The following DYSF variants were observed in gnomAD, a reference collection of about 807,000 sequenced individuals.
DYSF encodes dysferlin, also known as dystrophy-associated fer-1-like 1.
A neutral mutation model predicts 274.9 loss-of-function variants in DYSF; 212 were observed. The ratio of observed to expected loss-of-function variants is 0.77; its 90% CI spans 0.69 to 0.86. The LOEUF is 0.86. Among genes scored for constraint, DYSF ranks in the 40% least tolerant of loss-of-function variants. The pLI is 0.00. For missense variants in DYSF, 2,666 were observed against 2,783.2 expected (o/e 0.96, Z 0.95); for synonymous variants, 1,091 against 1,078.7 (o/e 1.01, Z -0.22).
intron 4 of DYSF, among the ~76,000 whole-genome samples, chr2:71,509,026 T>G (rs1334045607): frequency 6.6e-6 from 1 of 150,546 alleles, no homozygotes; most frequent in Non-Finnish European, 1.5e-5. Flanking sequence ...CTATTTTTTT[T>G]GTATTTTTAT....
At chr2:71,597,129 C>T (rs1006836020) in intron 32 of DYSF, among the ~76,000 whole-genome samples, 2 of 152,224 alleles carry the variant, frequency 1.3e-5, no homozygotes, top group African/African-American at 4.8e-5. Context: ...CCTGTCTCCC[C>T]ATCCCAGCCC....
Position 71,686,711 on chromosome 2 carries a change from C to A in DYSF, c.*219C>A. 1.6e-6 allele frequency: 1 copy of A among 616,144 alleles called. No homozygotes were observed. Among genetic ancestry groups the A allele is most frequent in the East Asian group, 2.8e-5 (1 of 35,652 alleles). The allele number at this position is 616,144 out of a possible 1,614,324, so 38.2% of individuals were successfully genotyped here. ...ATCATTTCCTTCTCCCCCAACCCAACGCTTTTTTGGATCAGCTCAGACATA... is the reference window on the plus strand; with the variant it reads ...ATCATTTCCTTCTCCCCCAACCCAAAGCTTTTTTGGATCAGCTCAGACATA... On this transcript the variant is annotated 3_prime_UTR_variant, in exon 56 of 56. Transcript: ENST00000410020.
chr2:71,542,377 CT>C (rs35710396), intron 17 of DYSF, among the ~76,000 whole-genome samples: 3,995 of 141,966 alleles, frequency 0.028, 57 homozygotes, highest in African/African-American at 0.061. Flanking sequence ...GTCAAGCCTT[CT>C]TTTTTTTTTT....
At chr2:71,490,046 GCACTTACGT>G (rs1432421775) in intron 3 of DYSF, among the ~76,000 whole-genome samples, 1 of 152,182 alleles carries the variant, frequency 6.6e-6, no homozygotes, top group Non-Finnish European at 1.5e-5. Context: ...CCATATAGAT[GCACTTACGT>G]AAACCACACA....
chr2:71,646,188 A>G (rs1472931126), intron 42 of DYSF, among the ~76,000 whole-genome samples: 1 of 152,234 alleles, frequency 6.6e-6, no homozygotes. Flanking sequence ...TTGGGCAAAG[A>G]GACAGAACTA....
chr2:71,554,199 C>A (rs2091175651), intron 21 of DYSF, among the ~76,000 whole-genome samples: 1 of 152,204 alleles, frequency 6.6e-6, no homozygotes, highest in South Asian at 2.1e-4. Context: ...GAAGGAAAAC[C>A]TATGCCACGC....
At position 71,568,345 on chromosome 2, in the gene DYSF, C is replaced by T. The variant is rs770354145; in HGVS notation, c.2864+7C>T. ...TCGTGTGTCCGGAGAAGACGTGAGT[C>T]GTGGGCAGGGAGGGCTGGGGAGAGC... is the stretch of plus-strand genomic sequence containing the variant. On this transcript the variant is annotated splice_region_variant and intron_variant, in intron 26 of 55. Coordinates refer to ENST00000410020, the MANE Select transcript of DYSF (RefSeq NM_001130987.2). 1.2e-5 allele frequency: 19 copies of T among 1,613,590 alleles called. No homozygotes were observed. In the South Asian group the frequency reaches 1.2e-4, roughly 10 times the overall value.
chr2:71,609,253 T>C (rs2093703321), intron 36 of DYSF, among the ~76,000 whole-genome samples: 1 of 152,212 alleles, frequency 6.6e-6, no homozygotes, highest in East Asian at 1.9e-4. Context: ...AGCAGCCCTG[T>C]CCATCACCCC....
chr2:71,655,499 G>A (rs2094751469), intron 42 of DYSF, among the ~76,000 whole-genome samples: 1 of 152,180 alleles, frequency 6.6e-6, no homozygotes, highest in Admixed American at 6.5e-5. Flanking sequence ...ATAAAAAACA[G>A]CTTGCTGCTT....
chr2:71,591,828 C>T (rs1432033807), intron 32 of DYSF, among the ~76,000 whole-genome samples: 1 of 152,236 alleles, frequency 6.6e-6, no homozygotes, highest in Non-Finnish European at 1.5e-5. Context: ...CTGTGGCCCT[C>T]AGTGGCCCAT....
chr2:71,573,095 C>G (rs983601362), intron 29 of DYSF, among the ~76,000 whole-genome samples: 5 of 152,356 alleles, frequency 3.3e-5, no homozygotes, highest in Admixed American at 6.5e-5. Flanking sequence ...TGAATTTTGG[C>G]TCAAGAACCA....
chr2:71,480,734 A>G (rs1331358359), intron 1 of DYSF, 149 bp from the exon 2 acceptor site: 2 of 733,476 alleles, frequency 2.7e-6, no homozygotes, highest in African/African-American at 3.5e-5. Flanking sequence ...GATTCATTGC[A>G]GACTGGCGGG....
In DYSF at chr2:71,600,860, C is replaced by T; in HGVS notation, c.3897+18C>T. 1 of 1,607,086 alleles carries T rather than the reference C, an allele frequency of 6.2e-7. No individual in the cohort carries two copies. The highest frequency in any genetic ancestry group is 8.5e-7 in the Non-Finnish European group (1 of 1,179,854). ...GAGAGAAGGTGAGGCTGGTCTATATCCAGATCCAGGAGGCCCAGGCAGGAG... is the reference window on the plus strand; with the variant it reads ...GAGAGAAGGTGAGGCTGGTCTATATTCAGATCCAGGAGGCCCAGGCAGGAG... On this transcript the variant is annotated intron_variant, in intron 34 of 55. Coordinates refer to ENST00000410020, the MANE Select transcript of DYSF (RefSeq NM_001130987.2).
chr2:71,530,988 G>A (rs1047619374), intron 14 of DYSF, among the ~76,000 whole-genome samples: 1 of 152,054 alleles, frequency 6.6e-6, no homozygotes, highest in Admixed American at 6.5e-5. Flanking sequence ...ATAGGAGTGT[G>A]GGAGAGTGTG....
intron 42 of DYSF, among the ~76,000 whole-genome samples, chr2:71,652,213 A>AAAGAC (rs1042935726): frequency 7.2e-5 from 11 of 152,344 alleles, no homozygotes; most frequent in Middle Eastern, 6.8e-3. Flanking sequence ...GTCCTTTCAC[A>AAAGAC]AAGACAAGAC....
At chr2:71,522,262 ACTG>A (rs1414115987) in intron 12 of DYSF, among the ~76,000 whole-genome samples, 3 of 149,982 alleles carry the variant, frequency 2.0e-5, no homozygotes, top group African/African-American at 7.4e-5. Context: ...GAAAGGGTGC[ACTG>A]CATCCCCCTT....
chr2:71,638,925 C>G (rs899152064), intron 41 of DYSF, among the ~76,000 whole-genome samples: 1 of 152,220 alleles, frequency 6.6e-6, no homozygotes, highest in Admixed American at 6.5e-5. Flanking sequence ...TTTCAAAGTG[C>G]TGCAACATTT....
intron 5 of DYSF, among the ~76,000 whole-genome samples, chr2:71,512,937 G>A (rs1385779015): frequency 2.0e-5 from 3 of 152,262 alleles, no homozygotes; most frequent in South Asian, 2.1e-4. Flanking sequence ...TGGGCTCAGG[G>A]GAGGAAGGAG....
intron 41 of DYSF, among the ~76,000 whole-genome samples, chr2:71,641,265 G>A (rs1487919120): frequency 2.1e-5 from 3 of 140,156 alleles, no homozygotes; most frequent in African/African-American, 8.2e-5. Context: ...TGCAAGCTCC[G>A]CCTCCCAGGT....
Sources: gnomAD v4.1 joint callset for allele counts (sites outside exome capture counted in the v4.1 genomes callset) on GRCh38, gnomAD v4.1.1 for gene constraint, MANE v1.5 for transcripts, NCBI Gene and HGNC (gene_info 2026-07-23, HGNC 2026-07-21) for gene names.